Variants in CRKL observed in about 807,000 individuals in gnomAD.
CRKL encodes the protein crk-like protein.
Under a neutral mutation model 23.0 loss-of-function variants are expected in CRKL, and 3 were observed. The observed-to-expected ratio is 0.13, with a 90% CI of 0.06 to 0.34. The LOEUF is 0.34. Ranked by LOEUF, CRKL falls within the 10% of genes least tolerant of loss-of-function variation. CRKL has a pLI of 1.00. For missense variants in CRKL, 256 were observed against 394.5 expected (o/e 0.65, Z 2.97); for synonymous variants, 188 against 160.7 (o/e 1.17, Z -1.28).
At chr22:20,935,323 G>A (rs894570793) in intron 2 of CRKL, among the ~76,000 whole-genome samples, 2 of 151,806 alleles carry the variant, frequency 1.3e-5, no homozygotes, top group Non-Finnish European at 2.9e-5. Flanking sequence ...ATGTTGGCCA[G>A]GCTGGTTTTG....
intron 2 of CRKL, among the ~76,000 whole-genome samples, chr22:20,941,337 C>T (rs143739463): frequency 6.6e-6 from 1 of 151,894 alleles, no homozygotes; most frequent in East Asian, 1.9e-4. Flanking sequence ...CAGGATCCTC[C>T]TCCACCCTTC....
At chr22:20,923,901 G>T (rs1045409262) in intron 1 of CRKL, among the ~76,000 whole-genome samples, 5 of 151,834 alleles carry the variant, frequency 3.3e-5, no homozygotes, top group Admixed American at 3.3e-4. Flanking sequence ...AAAATGTAAA[G>T]GTTGGCTGTG....
intron 2 of CRKL, among the ~76,000 whole-genome samples, chr22:20,945,216 ATCTCCTGACCTCCT>A (rs1363672136): frequency 6.6e-6 from 1 of 150,588 alleles, no homozygotes; most frequent in Non-Finnish European, 1.5e-5. Flanking sequence ...GATGGTCTCG[ATCTCCTGACCTCCT>A]GATCTGCCTG....
chr22:20,940,214 A>G (rs1168835305), intron 2 of CRKL, among the ~76,000 whole-genome samples: 2 of 151,958 alleles, frequency 1.3e-5, no homozygotes, highest in Admixed American at 6.6e-5. Flanking sequence ...CAGCCTCTCC[A>G]GATCTGCCTC....
At position 20,918,237 on chromosome 22, in the gene CRKL, T is replaced by C. The variant is rs1929761983; in HGVS notation, c.303T>C (p.Pro101=). 6.2e-7 allele frequency: 1 copy of C among 1,613,636 alleles called. No individual in the cohort carries two copies. The highest frequency in any genetic ancestry group is 8.5e-7 in the Non-Finnish European group (1 of 1,179,900). Residue 101 remains proline (P), a synonymous_variant, in exon 1 of 3, where the codon CCT becomes CCC. Coordinates refer to ENST00000354336, the MANE Select transcript of CRKL (RefSeq NM_005207.4). ...TGGACACCACCACCCTCATCGAGCC[T>C]GCGCCCAGGTACGCGAGAGCCCTCC... ...HYLDTTTLIE[P]APRYPSPPMG... is the part of the protein sequence containing the mutation.
Position 20,921,755 on chromosome 22 carries a change from C to A in CRKL, c.311+3510C>A, listed in dbSNP as rs529422137. Among the ~76,000 whole-genome samples the A allele has an allele frequency of 6.6e-5, 10 of 151,688 alleles. 2 individuals carry two copies. In the South Asian group the frequency reaches 2.1e-3, roughly 32 times the overall value. On this transcript the variant is annotated intron_variant, in intron 1 of 2. Transcript: ENST00000354336. ...CTTGAGACGGAGTCTTGCTCTGTCG[C>A]CCAGGCTGGAGTGTGCGATCTCGGC...
intron 1 of CRKL, among the ~76,000 whole-genome samples, chr22:20,922,082 G>T (rs1314405317): frequency 2.1e-5 from 3 of 145,542 alleles, no homozygotes; most frequent in Admixed American, 7.2e-5. Flanking sequence ...GCCCAATCTC[G>T]GCTCACTGCA....
chr22:20,925,468 C>T (rs1383783738), intron 1 of CRKL, among the ~76,000 whole-genome samples: 1 of 151,982 alleles, frequency 6.6e-6, no homozygotes, highest in Non-Finnish European at 1.5e-5. Flanking sequence ...GAGATTGCGC[C>T]AGCGCCACTG....
At chr22:20,937,612 G>A (rs892460337) in intron 2 of CRKL, among the ~76,000 whole-genome samples, 9 of 151,268 alleles carry the variant, frequency 5.9e-5, no homozygotes, top group Admixed American at 2.0e-4. Flanking sequence ...GAGGAAGGAA[G>A]CCTGGTTAAT....
chr22:20,917,925 G>C lies in CRKL; in HGVS notation c.-10G>C, dbSNP rs1929749743. ...CGCCCCTACCGCCGCAGAGTCCCCG[G>C]TCCAACACCATGTCCTCCGCCAGGT... On this transcript the variant is annotated 5_prime_UTR_variant, in exon 1 of 3. Coordinates refer to ENST00000354336, the MANE Select transcript of CRKL (RefSeq NM_005207.4). 6.2e-7 allele frequency: 1 copy of C among 1,611,996 alleles called. No individual in the cohort carries two copies. Among genetic ancestry groups the C allele is most frequent in the Non-Finnish European group, 8.5e-7 (1 of 1,179,184 alleles).
chr22:20,918,300 A>C (rs1317976610), intron 1 of CRKL, 55 bp downstream of exon 1: 1 of 1,578,766 alleles, frequency 6.3e-7, no homozygotes, highest in African/African-American at 1.3e-5. Context: ...GGTCTGTCGA[A>C]GAGTGCTTGT....
chr22:20,928,880 T>A (rs997182268), intron 1 of CRKL, among the ~76,000 whole-genome samples: 1 of 151,638 alleles, frequency 6.6e-6, no homozygotes, highest in Non-Finnish European at 1.5e-5. Context: ...TTCTAGAAGT[T>A]GATTGTATTG....
At position 20,952,872 on chromosome 22, in the gene CRKL, A is replaced by G; in HGVS notation, c.*3027A>G. The G allele has an allele frequency of 4.3e-6, 1 of 231,512 alleles. No individual in the cohort carries two copies. The highest frequency in any genetic ancestry group is 8.6e-6 in the Non-Finnish European group (1 of 116,816). The allele number at this position is 231,512 out of a possible 1,614,324, so 14.3% of individuals were successfully genotyped here. A position where few individuals can be genotyped will look rare whatever the true frequency, so the allele number is the denominator to read the frequency against. ...GATGACATGGTTAACGAGGAAGACG[A>G]TGTGTTGACCGGCTGCCGTTTGAGG... is the stretch of plus-strand genomic sequence containing the variant. On this transcript the variant is annotated 3_prime_UTR_variant, in exon 3 of 3. Transcript: ENST00000354336.
chr22:20,931,322 A>T (rs1276568390), intron 1 of CRKL, among the ~76,000 whole-genome samples: 1 of 152,164 alleles, frequency 6.6e-6, no homozygotes, highest in African/African-American at 2.4e-5. Context: ...TGGGAGGATC[A>T]CTTGAGCTTG....
intron 2 of CRKL, among the ~76,000 whole-genome samples, chr22:20,938,590 C>T (rs931466074): frequency 1.3e-5 from 2 of 152,152 alleles, no homozygotes; most frequent in East Asian, 1.9e-4. Context: ...CATGAAACAG[C>T]CAGTTTCTCA....
chr22:20,933,388 C>T (rs919971351), intron 1 of CRKL, among the ~76,000 whole-genome samples: 1 of 148,362 alleles, frequency 6.7e-6, no homozygotes, highest in Non-Finnish European at 1.5e-5. Context: ...ATGTAGAGGC[C>T]GGGCATGGTG....
At chr22:20,935,084 G>A (rs1197837523) in intron 2 of CRKL, among the ~76,000 whole-genome samples, 1 of 151,968 alleles carries the variant, frequency 6.6e-6, no homozygotes, top group East Asian at 1.9e-4. Context: ...AAAGTGCTGG[G>A]ATTACAGGTG....
intron 1 of CRKL, among the ~76,000 whole-genome samples, chr22:20,918,449 C>T (rs1331728866): frequency 6.6e-6 from 1 of 150,794 alleles, no homozygotes; most frequent in Non-Finnish European, 1.5e-5. Context: ...TTTTCCCTCT[C>T]ACGAGGCTGT....
chr22:20,927,543 T>C (rs1489436743), intron 1 of CRKL, among the ~76,000 whole-genome samples: 1 of 146,264 alleles, frequency 6.8e-6, no homozygotes. Flanking sequence ...CTGTGAAATA[T>C]TTCATACATA....
Sources: gnomAD v4.1 joint callset for allele counts (sites outside exome capture counted in the v4.1 genomes callset) on GRCh38, gnomAD v4.1.1 for gene constraint, MANE v1.5 for transcripts, NCBI Gene and HGNC (gene_info 2026-07-23, HGNC 2026-07-21) for gene names.